Variants in FAM169A observed in about 807,000 individuals in gnomAD.
FAM169A encodes the protein family with sequence similarity 169 member A.
A neutral mutation model predicts 75.7 loss-of-function variants in FAM169A; 24 were observed. The observed-to-expected ratio is 0.32, with a 90% CI of 0.23 to 0.45. The LOEUF (loss-of-function observed/expected upper bound fraction) is 0.45. Ranked by LOEUF, FAM169A falls within the 20% of genes least tolerant of loss-of-function variation. The pLI, the probability that FAM169A is intolerant of heterozygous loss-of-function variation, is 1.00. For synonymous variants in FAM169A, 271 were observed against 271.0 expected, an observed-to-expected ratio of 1.00 and a Z score of 0.00; for missense variants, 673 against 784.0, an observed-to-expected ratio of 0.86 and a Z score of 1.69.
At chr5:74,805,413 C>T in intron 6 of FAM169A, 129 bp from the exon 7 acceptor site, 1 of 645,270 alleles carries the variant, frequency 1.5e-6, no homozygotes, top group Non-Finnish European at 2.5e-6. Flanking sequence ...ACACCAGCAA[C>T]ACAACTCAAG....
intron 11 of FAM169A, among the ~76,000 whole-genome samples, chr5:74,794,356 T>C (rs1746143934): frequency 6.7e-6 from 1 of 148,484 alleles, no homozygotes; most frequent in Admixed American, 6.8e-5. Flanking sequence ...ATTGTGCCAC[T>C]GCACTCCAGG....
chr5:74,832,279 AC>A (rs1389292511), intron 5 of FAM169A, among the ~76,000 whole-genome samples: 7 of 152,116 alleles, frequency 4.6e-5, no homozygotes, highest in African/African-American at 1.7e-4. Flanking sequence ...TTATAAGAAA[AC>A]TATCTACCTA....
At chr5:74,835,939 T>C (rs1748551904) in intron 4 of FAM169A, among the ~76,000 whole-genome samples, 1 of 152,192 alleles carries the variant, frequency 6.6e-6, no homozygotes, top group South Asian at 2.1e-4. Flanking sequence ...GATAGAGCCA[T>C]GATGTTCCCC....
intron 5 of FAM169A, among the ~76,000 whole-genome samples, chr5:74,824,236 A>T (rs562181453): frequency 6.6e-6 from 1 of 152,314 alleles, no homozygotes; most frequent in East Asian, 1.9e-4. Context: ...GATCAAGGCA[A>T]TTGACAGTTG....
Position 74,834,779 on chromosome 5 carries a change from C to T in FAM169A, c.319-182G>A, listed in dbSNP as rs6870966. Among the ~76,000 whole-genome samples, 474 of 152,270 alleles carry T rather than the reference C, an allele frequency of 3.1e-3. 5 individuals carry two copies. In the East Asian group the frequency reaches 0.054, roughly 17 times the overall value. On this transcript the variant is annotated intron_variant, in intron 4 of 12. Coordinates refer to ENST00000687041, the MANE Select transcript of FAM169A (RefSeq NM_001376049.1). ...TGAGACTAATCATTCACATAGATTA[C>T]AATCCATTTCCACACACACATATTA...
At chr5:74,784,607 TAAAAAAAAAAAAA>T (rs70976133) in intron 11 of FAM169A, among the ~76,000 whole-genome samples, 2 of 60,564 alleles carry the variant, frequency 3.3e-5, no homozygotes, top group African/African-American at 1.4e-4. Flanking sequence ...CAACCCAGGC[TAAAAAAAAAAAAA>T]AAAAAAAAAA....
In FAM169A at chr5:74,794,594, C is replaced by T. The variant is rs1448166423; in HGVS notation, c.1260+1436G>A. Among the ~76,000 whole-genome samples, 4 of 151,186 alleles carry T rather than the reference C, an allele frequency of 2.6e-5. No homozygotes were observed. In the South Asian group the frequency reaches 6.3e-4, roughly 24 times the overall value. Reference sequence around the variant, plus strand: ...GAGATCAACACCATCCTGGCTAACACGGTGAAACCCCGTCTCTACAAAAAA... The same window carrying T: ...GAGATCAACACCATCCTGGCTAACATGGTGAAACCCCGTCTCTACAAAAAA... On this transcript the variant is annotated intron_variant, in intron 11 of 12. Transcript: ENST00000687041.
intron 10 of FAM169A, chr5:74,799,419 C>T (rs2112521677): frequency 1.2e-6 from 2 of 1,613,160 alleles, no homozygotes; most frequent in South Asian, 1.1e-5. Flanking sequence ...AGCTGATTCG[C>T]TCCACAGTCC....
intron 5 of FAM169A, among the ~76,000 whole-genome samples, chr5:74,827,353 T>C (rs892385470): frequency 3.3e-5 from 5 of 152,140 alleles, no homozygotes; most frequent in South Asian, 2.1e-4. Context: ...TTTACACTGC[T>C]CCTTCTTCTC....
rs1322039479 is a variant in FAM169A, at chr5:74,780,465, T to G, written c.*995A>C. On this transcript the variant is annotated 3_prime_UTR_variant, in exon 13 of 13. Coordinates refer to ENST00000687041, the MANE Select transcript of FAM169A (RefSeq NM_001376049.1). ...AGTAGATGAAAGCTGTGGGGGAATA[T>G]AAATAAGACTGTAGAATTAGGGAGG... is the stretch of plus-strand genomic sequence containing the variant. 6.6e-6 allele frequency: 1 copy of G among 152,168 alleles called. No individual in the cohort carries two copies. Among genetic ancestry groups the G allele is most frequent in the Admixed American group, 6.5e-5 (1 of 15,278 alleles). The allele number at this position is 152,168 out of a possible 1,614,324, so 9.4% of individuals were successfully genotyped here.
At chr5:74,834,692 G>T in intron 4 of FAM169A, 95 bp from the exon 5 acceptor site, 5 of 991,904 alleles carry the variant, frequency 5.0e-6, no homozygotes, top group Non-Finnish European at 6.9e-6. Flanking sequence ...ACCTCATACT[G>T]GAATTCAAAG....
intron 1 of FAM169A, among the ~76,000 whole-genome samples, chr5:74,862,365 G>A (rs889487553): frequency 1.3e-5 from 2 of 152,120 alleles, no homozygotes; most frequent in African/African-American, 4.8e-5. Context: ...TTCAGAACAG[G>A]ACCAGTTATA....
At chr5:74,827,281 C>T (rs1382410760) in intron 5 of FAM169A, among the ~76,000 whole-genome samples, 11 of 152,052 alleles carry the variant, frequency 7.2e-5, no homozygotes, top group African/African-American at 2.4e-4. Flanking sequence ...CAAATGGACT[C>T]TAGAAACTAT....
chr5:74,807,662 T>C (rs770024104), intron 6 of FAM169A, among the ~76,000 whole-genome samples: 2 of 152,162 alleles, frequency 1.3e-5, no homozygotes, highest in Non-Finnish European at 2.9e-5. Flanking sequence ...TAGGGAAATA[T>C]ATGAATAAAC....
Position 74,777,921 on chromosome 5 carries a change from G to C in FAM169A, c.*3539C>G, listed in dbSNP as rs1156297568. The C allele has an allele frequency of 6.6e-6, 1 of 151,964 alleles. No individual in the cohort carries two copies. Among genetic ancestry groups the C allele is most frequent in the African/African-American group, 2.4e-5 (1 of 41,412 alleles). The allele number at this position is 151,964 out of a possible 1,614,324, so 9.4% of individuals were successfully genotyped here. A position where few individuals can be genotyped will look rare whatever the true frequency, so the allele number is the denominator to read the frequency against. ...CATACAGACGCTTAGGAAAAGAAAG[G>C]CTAGTTCCTTGGAAATGACGATCCA... On this transcript the variant is annotated 3_prime_UTR_variant, in exon 13 of 13. Coordinates refer to ENST00000687041, the MANE Select transcript of FAM169A (RefSeq NM_001376049.1).
intron 11 of FAM169A, among the ~76,000 whole-genome samples, chr5:74,792,792 C>T (rs545035478): frequency 1.3e-5 from 2 of 152,276 alleles, no homozygotes; most frequent in South Asian, 4.1e-4. Flanking sequence ...CACTTTTACA[C>T]TACTGGTAGG....
chr5:74,785,261 T>A (rs1273102533), intron 11 of FAM169A, among the ~76,000 whole-genome samples: 1 of 151,800 alleles, frequency 6.6e-6, no homozygotes, highest in Non-Finnish European at 1.5e-5. Context: ...GAGGTTGCAG[T>A]TAAGCCTAGA....
intron 9 of FAM169A, 80 bp from the exon 10 acceptor site, chr5:74,801,110 G>A: frequency 8.9e-7 from 1 of 1,120,300 alleles, no homozygotes; most frequent in East Asian, 2.9e-5. Context: ...AGAAATGCAA[G>A]AACTACACTA....
At chr5:74,791,400 C>T (rs1028487798) in intron 11 of FAM169A, among the ~76,000 whole-genome samples, 2 of 152,206 alleles carry the variant, frequency 1.3e-5, no homozygotes, top group African/African-American at 4.8e-5. Flanking sequence ...CATGACATTA[C>T]GTTCTGCTGG....
Sources: allele counts gnomAD v4.1 joint callset (sites outside exome capture counted in the v4.1 genomes callset), GRCh38; gene constraint gnomAD v4.1.1; transcripts MANE v1.5; gene names NCBI Gene and HGNC (gene_info 2026-07-23, HGNC 2026-07-21).